GLIS3: variants seen among roughly 807,000 people sequenced by gnomAD.
GLIS3 encodes the protein zinc finger protein GLIS3.
Under a neutral mutation model 78.6 loss-of-function variants are expected in GLIS3, and 53 were observed. The observed-to-expected ratio is 0.67, with a 90% CI of 0.54 to 0.85. The LOEUF (loss-of-function observed/expected upper bound fraction) is 0.85, where lower values mean the gene tolerates loss of function less well. Among genes scored for constraint, GLIS3 ranks in the 40% least tolerant of loss-of-function variants. GLIS3 has a pLI of 0.00. For synonymous variants in GLIS3, 684 were observed against 509.9 expected, an observed-to-expected ratio of 1.34 and a Z score of -4.60; for missense variants, 1,703 against 1,231.1, an observed-to-expected ratio of 1.38 and a Z score of -5.74.
At chr9:4,489,209 A>C in the GLIS3 span, among the ~76,000 whole-genome samples, 4 of 152,068 alleles carry the variant, frequency 2.6e-5, no homozygotes, top group African/African-American at 7.2e-5. Flanking sequence ...ACACCCAACG[A>C]CCTTAAAATC....
At chr9:4,225,199 A>G (rs901134598) in intron 2 of GLIS3, among the ~76,000 whole-genome samples, 9 of 152,072 alleles carry the variant, frequency 5.9e-5, no homozygotes, top group African/African-American at 2.2e-4. Context: ...TTTTTCTTCT[A>G]AGTCTTGCAT....
intron 2 of GLIS3, among the ~76,000 whole-genome samples, chr9:4,189,593 G>T (rs182984835): frequency 1.1e-3 from 172 of 152,238 alleles, no homozygotes; most frequent in African/African-American, 3.3e-3. Flanking sequence ...TGACAGTGGG[G>T]TGTTAAAGTC....
the GLIS3 span, among the ~76,000 whole-genome samples, chr9:4,451,872 C>A: frequency 6.7e-6 from 1 of 149,810 alleles, no homozygotes; most frequent in Non-Finnish European, 1.5e-5. Context: ...AAATTTATAG[C>A]ACTAAATGCC....
intron 8 of GLIS3, among the ~76,000 whole-genome samples, chr9:3,873,456 G>T (rs1019465203): frequency 1.3e-5 from 2 of 151,822 alleles, no homozygotes; most frequent in African/African-American, 2.4e-5. Flanking sequence ...CAAGAGAATG[G>T]GCGCAAAAAA....
chr9:4,468,617 C>T, the GLIS3 span, among the ~76,000 whole-genome samples: 4 of 152,188 alleles, frequency 2.6e-5, no homozygotes, highest in African/African-American at 9.7e-5. Context: ...GCCTGCCTTA[C>T]AAGAGCTCCT....
chr9:4,407,402 T>G, the GLIS3 span, among the ~76,000 whole-genome samples: 1 of 152,346 alleles, frequency 6.6e-6, no homozygotes, highest in South Asian at 2.1e-4. Context: ...TCCCAGCACT[T>G]CGGGAGGCCG....
intron 4 of GLIS3, among the ~76,000 whole-genome samples, chr9:4,107,738 G>C (rs546668229): frequency 3.7e-4 from 54 of 146,776 alleles, no homozygotes; most frequent in Non-Finnish European, 2.9e-4. Flanking sequence ...CAGATCAGAA[G>C]AACACAGGTT....
intron 4 of GLIS3, among the ~76,000 whole-genome samples, chr9:3,969,627 G>C (rs573832135): frequency 6.6e-6 from 1 of 152,168 alleles, no homozygotes; most frequent in Non-Finnish European, 1.5e-5. Context: ...AAAAGCCCAG[G>C]ATAGCTCTTT....
chr9:4,286,450 G>T lies in GLIS3; in HGVS notation c.-25C>A. The T allele has an allele frequency of 3.1e-6, 5 of 1,612,770 alleles. No individual in the cohort carries two copies. The highest frequency in any genetic ancestry group is 4.2e-6 in the Non-Finnish European group (5 of 1,179,972). On this transcript the variant is annotated 5_prime_UTR_variant, in exon 2 of 11. Transcript: ENST00000381971. Reference sequence around the variant, plus strand: ...TTCTGAAAAACCTGTGGCCAAGACGGTCAAATATCCAATGTCACTAATGAC... The same window carrying T: ...TTCTGAAAAACCTGTGGCCAAGACGTTCAAATATCCAATGTCACTAATGAC...
At chr9:4,023,986 C>T (rs1232402258) in intron 4 of GLIS3, among the ~76,000 whole-genome samples, 1 of 150,466 alleles carries the variant, frequency 6.6e-6, no homozygotes, top group Non-Finnish European at 1.5e-5. Context: ...AGAGTAAGAC[C>T]ATGTTTCATT....
chr9:4,269,635 C>T (rs918847718), intron 2 of GLIS3, among the ~76,000 whole-genome samples: 3 of 152,072 alleles, frequency 2.0e-5, no homozygotes, highest in Non-Finnish European at 4.4e-5. Flanking sequence ...GGAGTATTTT[C>T]ATATTTAAAT....
intron 2 of GLIS3, among the ~76,000 whole-genome samples, chr9:4,239,458 G>T (rs1334538417): frequency 6.6e-6 from 1 of 152,044 alleles, no homozygotes; most frequent in Non-Finnish European, 1.5e-5. Flanking sequence ...AGGCTGCAGG[G>T]TTGGGGCTAT....
chr9:3,871,575 A>T (rs1820971755), intron 8 of GLIS3, among the ~76,000 whole-genome samples: 1 of 152,208 alleles, frequency 6.6e-6, no homozygotes, highest in Admixed American at 6.5e-5. Flanking sequence ...CACCACATGG[A>T]AGCTGCCAAG....
At chr9:4,436,486 ATCCC>A in the GLIS3 span, among the ~76,000 whole-genome samples, 12 of 152,098 alleles carry the variant, frequency 7.9e-5, no homozygotes, top group South Asian at 2.3e-3. Flanking sequence ...TACCTTCACC[ATCCC>A]CATCAATGAC....
intron 4 of GLIS3, among the ~76,000 whole-genome samples, chr9:4,106,155 T>A (rs981130098): frequency 6.6e-6 from 1 of 152,118 alleles, no homozygotes; most frequent in East Asian, 1.9e-4. Context: ...GCTGAATCAC[T>A]TGAGATGGGC....
intron 2 of GLIS3, among the ~76,000 whole-genome samples, chr9:4,236,952 A>G (rs1206586718): frequency 6.6e-6 from 1 of 152,088 alleles, no homozygotes; most frequent in Non-Finnish European, 1.5e-5. Context: ...GCATCGTCTC[A>G]GGTGAGAATC....
intron 4 of GLIS3, among the ~76,000 whole-genome samples, chr9:4,078,554 A>T (rs1454987264): frequency 6.6e-6 from 1 of 152,252 alleles, no homozygotes; most frequent in Non-Finnish European, 1.5e-5. Context: ...CCTGGTATTT[A>T]CCTAGCTGTC....
chr9:4,219,031 A>G (rs144045584), intron 2 of GLIS3, among the ~76,000 whole-genome samples: 5 of 152,368 alleles, frequency 3.3e-5, no homozygotes, highest in Non-Finnish European at 7.3e-5. Context: ...CCTGGCATAT[A>G]AGTAAGAGCC....
At chr9:3,973,023 C>G (rs1413642650) in intron 4 of GLIS3, among the ~76,000 whole-genome samples, 1 of 152,072 alleles carries the variant, frequency 6.6e-6, no homozygotes, top group African/African-American at 2.4e-5. Flanking sequence ...AAAACACCTT[C>G]AGGTGCAATA....
Sources: gnomAD v4.1 joint callset for allele counts (sites outside exome capture counted in the v4.1 genomes callset) on GRCh38, gnomAD v4.1.1 for gene constraint, MANE v1.5 for transcripts, NCBI Gene and HGNC (gene_info 2026-07-23, HGNC 2026-07-21) for gene names.